ITCH: variants seen among roughly 807,000 people sequenced by gnomAD.
ITCH encodes the protein E3 ubiquitin-protein ligase Itchy homolog.
A neutral mutation model predicts 126.8 loss-of-function variants in ITCH; 28 were observed. The observed-to-expected ratio is 0.22, with a 90% CI of 0.16 to 0.30. ITCH has a LOEUF of 0.30. ITCH is among the 10% of genes least tolerant of loss of function. The pLI is 1.00. For missense variants in ITCH, 631 were observed against 1,032.4 expected (o/e 0.61, Z 5.33); for synonymous variants, 342 against 340.0 (o/e 1.01, Z -0.06).
chr20:34,475,931 G>C, intron 16 of ITCH: 2 of 1,308,504 alleles, frequency 1.5e-6, no homozygotes, highest in South Asian at 1.2e-5. Flanking sequence ...AGTTCAGGAG[G>C]TCTTGCCCAC....
At chr20:34,440,463 A>AT in intron 9 of ITCH, 119 bp downstream of exon 9, 1 of 822,714 alleles carries the variant, frequency 1.2e-6, no homozygotes, top group South Asian at 1.5e-5. Context: ...CTGTTTTTTA[A>AT]TTTCTTTTTT....
chr20:34,381,757 G>A (rs1379402167), intron 2 of ITCH, among the ~76,000 whole-genome samples: 1 of 151,830 alleles, frequency 6.6e-6, no homozygotes, highest in African/African-American at 2.4e-5. Context: ...AGCTATTTGG[G>A]GGAGAATGAG....
intron 18 of ITCH, 90 bp downstream of exon 18, chr20:34,479,879 G>A: frequency 8.5e-7 from 1 of 1,175,878 alleles, no homozygotes; most frequent in East Asian, 2.3e-5. Context: ...ATGAGAGAAA[G>A]GGAAGTGGTT....
chr20:34,445,548 G>A, intron 11 of ITCH, 87 bp downstream of exon 11: 1 of 1,335,030 alleles, frequency 7.5e-7, no homozygotes, highest in African/African-American at 1.4e-5. Context: ...CTAAAAAGAA[G>A]GTGCAAGTAG....
intron 7 of ITCH, among the ~76,000 whole-genome samples, 192 bp downstream of exon 7, chr20:34,424,717 T>G (rs1241673582): frequency 6.6e-6 from 1 of 152,236 alleles, no homozygotes; most frequent in Non-Finnish European, 1.5e-5. Flanking sequence ...TGGAGTGGGC[T>G]AGGGATAACC....
At chr20:34,384,658 C>CTTTTTT (rs5841172) in intron 2 of ITCH, among the ~76,000 whole-genome samples, 1 of 71,112 alleles carries the variant, frequency 1.4e-5, no homozygotes, top group Non-Finnish European at 2.7e-5. Flanking sequence ...ATATTAGGGT[C>CTTTTTT]TTTTTTTTTT....
At chr20:34,427,567 C>T (rs1399208595) in intron 7 of ITCH, among the ~76,000 whole-genome samples, 1 of 151,916 alleles carries the variant, frequency 6.6e-6, no homozygotes, top group African/African-American at 2.4e-5. Flanking sequence ...GAGCTGAGAT[C>T]GTGCCACTGT....
At chr20:34,467,041 A>G (rs1163608322) in intron 14 of ITCH, among the ~76,000 whole-genome samples, 1 of 152,168 alleles carries the variant, frequency 6.6e-6, no homozygotes, top group African/African-American at 2.4e-5. Flanking sequence ...AATTAAACCT[A>G]TAGAGAAAAA....
At chr20:34,460,920 C>CT (rs542139544) in intron 13 of ITCH, among the ~76,000 whole-genome samples, 11 of 152,046 alleles carry the variant, frequency 7.2e-5, no homozygotes, top group Non-Finnish European at 1.6e-4. Context: ...ACTAGGGAGG[C>CT]TGAGGTGGGA....
chr20:34,432,832 C>G (rs759045559), intron 7 of ITCH, among the ~76,000 whole-genome samples: 1 of 152,160 alleles, frequency 6.6e-6, no homozygotes, highest in East Asian at 1.9e-4. Context: ...TAGCCTGCAC[C>G]TGTAGTCCCA....
At chr20:34,486,665 T>TTTATTTTATTTATTTA (rs148394049) in intron 20 of ITCH, among the ~76,000 whole-genome samples, 9 of 149,104 alleles carry the variant, frequency 6.0e-5, no homozygotes, top group African/African-American at 2.2e-4. Context: ...ATTTTATTTA[T>TTTATTTTATTTATTTA]TTTATTTATT....
rs142339834 is a variant in ITCH at position 34,379,524 on chromosome 20, GT to G, written c.-22+10058del. 6.3e-3 allele frequency among the ~76,000 whole-genome samples: 944 copies of G among 149,642 alleles called. 2 individuals carry two copies. The highest frequency in any genetic ancestry group is 0.02 in the South Asian group (93 of 4,724). ...TCCCTGCTCTGGTAACTACTATTCT[GT>G]TTTCTGTCTCTGTGAATTTAGCTAT... On this transcript the variant is annotated intron_variant, in intron 2 of 24. Coordinates refer to ENST00000374864, the MANE Select transcript of ITCH (RefSeq NM_031483.7).
At chr20:34,437,655 A>T (rs1601899890) in intron 7 of ITCH, among the ~76,000 whole-genome samples, 1 of 152,164 alleles carries the variant, frequency 6.6e-6, no homozygotes, top group Non-Finnish European at 1.5e-5. Context: ...CTTATTCTGA[A>T]ATTCCTAGGA....
rs1177863781 is a variant in ITCH at position 34,508,852 on chromosome 20, A to G, written c.*1058A>G. 6.6e-6 allele frequency: 1 copy of G among 152,182 alleles called. No homozygotes were observed. The highest frequency in any genetic ancestry group is 1.5e-5 in the Non-Finnish European group (1 of 68,036). 9.4% of individuals were successfully genotyped at this position (152,182 alleles called of 1,614,324 possible). A position where few individuals can be genotyped will look rare whatever the true frequency, so the allele number is the denominator to read the frequency against. Reference sequence around the variant, plus strand: ...TAAGGAGTTTAAGACTAGAAAGACTAGAGTGCTTTCTAGTCCAAATAGAGG... The same window carrying G: ...TAAGGAGTTTAAGACTAGAAAGACTGGAGTGCTTTCTAGTCCAAATAGAGG... On this transcript the variant is annotated 3_prime_UTR_variant, in exon 25 of 25. Transcript: ENST00000374864.
chr20:34,364,245 C>A (rs2037321143), intron 1 of ITCH, among the ~76,000 whole-genome samples: 1 of 152,128 alleles, frequency 6.6e-6, no homozygotes, highest in African/African-American at 2.4e-5. Context: ...ACAACGCAAC[C>A]TTGTTTTCTT....
At chr20:34,500,952 A>G (rs75066494) in intron 23 of ITCH, among the ~76,000 whole-genome samples, 1 of 152,244 alleles carries the variant, frequency 6.6e-6, no homozygotes, top group African/African-American at 2.4e-5. Flanking sequence ...AATTCCTTCT[A>G]TTTCCCCATG....
At chr20:34,434,807 A>G (rs753801767) in intron 7 of ITCH, among the ~76,000 whole-genome samples, 11 of 152,184 alleles carry the variant, frequency 7.2e-5, no homozygotes, top group Non-Finnish European at 1.3e-4. Flanking sequence ...AAACTGATTG[A>G]TTTCTAAACA....
intron 14 of ITCH, among the ~76,000 whole-genome samples, chr20:34,463,562 A>G (rs753793218): frequency 1.3e-5 from 2 of 151,402 alleles, no homozygotes; most frequent in Non-Finnish European, 2.9e-5. Flanking sequence ...TTTCCACCCT[A>G]GTGCAGAAGA....
chr20:34,440,077 AT>A, intron 8 of ITCH, 77 bp from the exon 9 acceptor site: 12 of 1,038,454 alleles, frequency 1.2e-5, no homozygotes, highest in Non-Finnish European at 1.6e-5. Context: ...TCTGCCTTTT[AT>A]TTTTTACAGT....
Sources: gnomAD v4.1 joint callset for allele counts (sites outside exome capture counted in the v4.1 genomes callset) on GRCh38, gnomAD v4.1.1 for gene constraint, MANE v1.5 for transcripts, NCBI Gene and HGNC (gene_info 2026-07-23, HGNC 2026-07-21) for gene names.